Variants in KLRD1 observed in about 807,000 individuals in gnomAD.
The protein encoded by KLRD1 is killer cell lectin like receptor D1, also known as natural killer cells antigen CD94.
Under a neutral mutation model 22.6 loss-of-function variants are expected in KLRD1, and 21 were observed. The observed-to-expected ratio is 0.93, with a 90% confidence interval of 0.66 to 1.34. The LOEUF is 1.34. Ranked by LOEUF, KLRD1 falls within the 40% of genes most tolerant of loss-of-function variation. KLRD1 has a pLI of 0.00. For synonymous variants in KLRD1, 59 were observed against 71.1 expected (o/e 0.83, Z 0.85); for missense variants, 183 against 208.6 (o/e 0.88, Z 0.76).
chr12:10,270,125 T>C (rs184643348), intron 1 of KLRD1, among the ~76,000 whole-genome samples: 1 of 152,294 alleles, frequency 6.6e-6, no homozygotes, highest in East Asian at 1.9e-4. Flanking sequence ...ACTGGTACTA[T>C]TTTCCGTTTC....
upstream of KLRD1, among the ~76,000 whole-genome samples, chr12:10,303,690 A>G (rs147730806): frequency 1.6e-3 from 239 of 152,324 alleles, no homozygotes; most frequent in African/African-American, 5.3e-3. Flanking sequence ...GTCTCCTGCT[A>G]TCATATTTTG....
At chr12:10,284,981 CA>C (rs111612727) in intron 1 of KLRD1, among the ~76,000 whole-genome samples, 25,569 of 144,390 alleles carry the variant, frequency 0.18, 2,726 homozygotes, top group Non-Finnish European at 0.25. Flanking sequence ...AACTCCATCT[CA>C]AAAAAAAAAG....
chr12:10,311,632 A>AT lies in KLRD1; in HGVS notation c.315+21dup, dbSNP rs1296527761. ...GATGAACTGGCATGTGCTGAGTCTG[A>AT]TTTTCTACATTTTCTTTGATCTAGA... On this transcript the variant is annotated intron_variant, in intron 4 of 5. Coordinates refer to ENST00000336164, the MANE Select transcript of KLRD1 (RefSeq NM_002262.5). 1 of 1,608,810 alleles carries AT rather than the reference A, an allele frequency of 6.2e-7. No homozygotes were observed. Among genetic ancestry groups the AT allele is most frequent in the Non-Finnish European group, 8.5e-7 (1 of 1,176,460 alleles).
intron 1 of KLRD1, among the ~76,000 whole-genome samples, chr12:10,274,716 T>G (rs1224965329): frequency 2.6e-5 from 4 of 152,204 alleles, no homozygotes; most frequent in African/African-American, 9.7e-5. Context: ...ATCCAATATA[T>G]TATTTTGTCT....
intron 1 of KLRD1, among the ~76,000 whole-genome samples, chr12:10,244,668 A>G (rs911801950): frequency 1.3e-5 from 2 of 152,014 alleles, no homozygotes; most frequent in African/African-American, 2.4e-5. Context: ...CTGTAATCCC[A>G]GCTACTCAGG....
chr12:10,297,135 C>T (rs901324152), intron 1 of KLRD1, among the ~76,000 whole-genome samples: 8 of 152,324 alleles, frequency 5.3e-5, no homozygotes, highest in African/African-American at 1.9e-4. Flanking sequence ...CCTGATAGCT[C>T]AAAGGATGAA....
At position 10,251,048 on chromosome 12, in the gene KLRD1, C is replaced by T. The variant is rs554722576; in HGVS notation, c.-101+24815C>T. Among the ~76,000 whole-genome samples the T allele has an allele frequency of 8.9e-4, 135 of 152,226 alleles. 1 individual carries two copies. Among genetic ancestry groups the T allele is most frequent in the African/African-American group, 3.1e-3 (130 of 41,502 alleles). ...ATAAACTGGAGCTAACATATGTTGC[C>T]TCACTAGCATTAACTACAGATGTTA... On this transcript the variant is annotated intron_variant, in intron 1 of 5. Coordinates refer to the KLRD1 transcript ENST00000544747.
At chr12:10,281,401 C>CAAT (rs1949641078) in intron 1 of KLRD1, among the ~76,000 whole-genome samples, 1 of 152,072 alleles carries the variant, frequency 6.6e-6, no homozygotes, top group Non-Finnish European at 1.5e-5. Flanking sequence ...GTTACAGCAG[C>CAAT]AATAGTATAC....
In KLRD1 at chr12:10,309,674, T is replaced by A; in HGVS notation, c.149T>A (p.Ile50Lys). 1 of 1,612,484 alleles carries A rather than the reference T, an allele frequency of 6.2e-7. No individual in the cohort carries two copies. The highest frequency in any genetic ancestry group is 1.3e-5 in the African/African-American group (1 of 75,000). ...IEPAFTPGPN[I>K]ELQKDSDCCS... Reference sequence around the variant, plus strand: ...CCAGCATTTACTCCAGGACCCAACATAGAACTCCAGAAAGGTAGGTCACAT... The same window carrying A: ...CCAGCATTTACTCCAGGACCCAACAAAGAACTCCAGAAAGGTAGGTCACAT... Residue 50 changes from isoleucine to lysine, a missense_variant, in exon 3 of 6, where the codon ATA (isoleucine) becomes AAA (lysine). Coordinates refer to ENST00000336164, the MANE Select transcript of KLRD1 (RefSeq NM_002262.5).
chr12:10,275,867 A>G (rs1949587627), intron 1 of KLRD1, among the ~76,000 whole-genome samples: 3 of 152,180 alleles, frequency 2.0e-5, no homozygotes, highest in African/African-American at 7.2e-5. Context: ...ATAATGATAA[A>G]AGTTAAGTAA....
intron 1 of KLRD1, among the ~76,000 whole-genome samples, chr12:10,239,125 A>G (rs994152271): frequency 2.6e-5 from 4 of 152,238 alleles, no homozygotes; most frequent in African/African-American, 4.8e-5. Flanking sequence ...GCTTAATTTA[A>G]CAAAAAAGAT....
Position 10,324,332 on chromosome 12 carries a change from G to T in KLRD1, c.*9539G>T, listed in dbSNP as rs1950339222. 1 of 152,040 alleles carries T rather than the reference G, an allele frequency of 6.6e-6. No individual in the cohort carries two copies. Among genetic ancestry groups the T allele is most frequent in the Admixed American group, 6.6e-5 (1 of 15,242 alleles). The allele number at this position is 152,040 out of a possible 1,614,324, so 9.4% of individuals were successfully genotyped here. A position where few individuals can be genotyped will look rare whatever the true frequency, so the allele number is the denominator to read the frequency against. On this transcript the variant is annotated 3_prime_UTR_variant, in exon 6 of 6. Coordinates refer to ENST00000336164, the MANE Select transcript of KLRD1 (RefSeq NM_002262.5). ...AGTGGTTTGGTGTACAGATAATTTT[G>T]TCATCCTGGTAATCAGCATAGTACC...
chr12:10,305,484 C>T (rs1364162447), upstream of KLRD1, among the ~76,000 whole-genome samples: 3 of 152,244 alleles, frequency 2.0e-5, no homozygotes, highest in East Asian at 5.8e-4. Context: ...TTTTCTTAAT[C>T]TAGCTTCTAG....
At chr12:10,278,526 ATAT>A (rs1949612176) in intron 1 of KLRD1, among the ~76,000 whole-genome samples, 1 of 152,196 alleles carries the variant, frequency 6.6e-6, no homozygotes, top group Non-Finnish European at 1.5e-5. Flanking sequence ...CTTGGTCCAC[ATAT>A]TATGAATTCA....
intron 1 of KLRD1, among the ~76,000 whole-genome samples, chr12:10,284,201 A>G (rs1490355343): frequency 6.6e-6 from 1 of 151,882 alleles, no homozygotes; most frequent in East Asian, 1.9e-4. Context: ...AACAACAGTA[A>G]CAACAACAAC....
intron 1 of KLRD1, among the ~76,000 whole-genome samples, chr12:10,284,342 G>T (rs1949679518): frequency 6.6e-6 from 1 of 152,206 alleles, no homozygotes; most frequent in African/African-American, 2.4e-5. Context: ...GAAACCACAT[G>T]TGGAGGGGCT....
At chr12:10,241,669 G>A (rs1210268350) in intron 1 of KLRD1, among the ~76,000 whole-genome samples, 1 of 152,088 alleles carries the variant, frequency 6.6e-6, no homozygotes, top group Non-Finnish European at 1.5e-5. Context: ...GAGAACTATA[G>A]TTAGGAAGAA....
intron 1 of KLRD1, among the ~76,000 whole-genome samples, chr12:10,275,487 A>T (rs986419494): frequency 2.0e-5 from 3 of 152,240 alleles, no homozygotes; most frequent in African/African-American, 7.2e-5. Context: ...CTGCAAATCC[A>T]CATGATGTCT....
At chr12:10,258,087 T>C (rs1949416630) in intron 1 of KLRD1, among the ~76,000 whole-genome samples, 1 of 151,952 alleles carries the variant, frequency 6.6e-6, no homozygotes, top group South Asian at 2.1e-4. Flanking sequence ...ATTTGTATAA[T>C]TGTAGGGAGA....
Sources: gnomAD v4.1 joint callset for allele counts (sites outside exome capture counted in the v4.1 genomes callset) on GRCh38, gnomAD v4.1.1 for gene constraint, MANE v1.5 for transcripts, NCBI Gene and HGNC (gene_info 2026-07-23, HGNC 2026-07-21) for gene names.